MICAL2: variants seen among roughly 807,000 people sequenced by gnomAD.
MICAL2 encodes the protein microtubule associated monooxygenase, calponin and LIM domain containing 2.
MICAL2 carries 77 observed loss-of-function variants against 127.3 expected under a neutral mutation model. The observed-to-expected ratio is 0.60, with a 90% confidence interval of 0.50 to 0.73. MICAL2 has a LOEUF of 0.73. MICAL2 is among the 30% of genes least tolerant of loss of function. The pLI, the probability that MICAL2 is intolerant of heterozygous loss-of-function variation, is 0.00. For synonymous variants in MICAL2, 570 were observed against 551.1 expected, an observed-to-expected ratio of 1.03 and a Z score of -0.48; for missense variants, 1,351 against 1,434.4, an observed-to-expected ratio of 0.94 and a Z score of 0.94.
intron 2 of MICAL2, among the ~76,000 whole-genome samples, chr11:12,147,629 G>A (rs1853081293): frequency 6.6e-6 from 1 of 152,236 alleles, no homozygotes; most frequent in South Asian, 2.1e-4. Context: ...TAAAGGAAGA[G>A]CCAAATGGCG....
At chr11:12,114,108 A>G (rs1322118582) in intron 1 of MICAL2, among the ~76,000 whole-genome samples, 1 of 152,202 alleles carries the variant, frequency 6.6e-6, no homozygotes, top group Non-Finnish European at 1.5e-5. Flanking sequence ...ATGCATAATC[A>G]GCCCCATATA....
chr11:12,150,712 G>T (rs1333901055), intron 2 of MICAL2, among the ~76,000 whole-genome samples: 2 of 152,164 alleles, frequency 1.3e-5, no homozygotes, highest in African/African-American at 4.8e-5. Context: ...TCAGCAAGAC[G>T]CAGTGCCATT....
chr11:12,147,630 C>T (rs1451529206), intron 2 of MICAL2, among the ~76,000 whole-genome samples: 2 of 152,174 alleles, frequency 1.3e-5, no homozygotes, highest in Non-Finnish European at 2.9e-5. Flanking sequence ...AAAGGAAGAG[C>T]CAAATGGCGT....
chr11:12,113,387 C>A (rs1302870990), intron 1 of MICAL2, among the ~76,000 whole-genome samples: 9 of 152,060 alleles, frequency 5.9e-5, no homozygotes, highest in African/African-American at 2.2e-4. Flanking sequence ...TCTTTAGTAA[C>A]AACAACAACA....
At chr11:12,188,041 C>CT (rs988958010) in intron 3 of MICAL2, among the ~76,000 whole-genome samples, 3 of 152,138 alleles carry the variant, frequency 2.0e-5, no homozygotes, top group African/African-American at 7.2e-5. Context: ...CAATTCCCTC[C>CT]TTTTTTCTCC....
chr11:12,292,288 C>T (rs1446406769), downstream of MICAL2: 1 of 1,614,138 alleles, frequency 6.2e-7, no homozygotes, highest in Non-Finnish European at 8.5e-7. Context: ...ATGGTTCCTC[C>T]CCGCCTCAGG....
At chr11:12,330,849 CAGAGAGAGGGGTAG>C (rs1864412862) in intron 32 of MICAL2, among the ~76,000 whole-genome samples, 1 of 68,146 alleles carries the variant, frequency 1.5e-5, no homozygotes, top group Non-Finnish European at 3.3e-5. Flanking sequence ...GAGAGAGAGA[CAGAGAGAGGGGTAG>C]AGAGAGAGAG....
intron 1 of MICAL2, among the ~76,000 whole-genome samples, chr11:12,114,204 A>T (rs528362438): frequency 3.2e-4 from 49 of 152,278 alleles, no homozygotes; most frequent in African/African-American, 1.1e-3. Flanking sequence ...TGAAAGGAAT[A>T]TTTATTCCTG....
At chr11:12,219,836 C>T (rs554079262) in intron 8 of MICAL2, among the ~76,000 whole-genome samples, 1 of 152,320 alleles carries the variant, frequency 6.6e-6, no homozygotes, top group East Asian at 1.9e-4. Flanking sequence ...ACTCTCAACG[C>T]GCCCTGTTGA....
intron 29 of MICAL2, among the ~76,000 whole-genome samples, chr11:12,311,594 G>A (rs529602266): frequency 9.9e-5 from 15 of 152,234 alleles, no homozygotes; most frequent in East Asian, 7.7e-4. Flanking sequence ...TAGAGACAGC[G>A]TTTCACCGTG....
intron 1 of MICAL2, among the ~76,000 whole-genome samples, chr11:12,278,972 G>A (rs1206359946): frequency 6.6e-6 from 1 of 152,180 alleles, no homozygotes; most frequent in Non-Finnish European, 1.5e-5. Context: ...TGGAGATGGT[G>A]ATTTTAGAGG....
chr11:12,255,512 C>T, intron 22 of MICAL2, 131 bp from the exon 23 acceptor site: 1 of 735,370 alleles, frequency 1.4e-6, no homozygotes, highest in Non-Finnish European at 2.3e-6. Context: ...TTTTGCTTCT[C>T]CTGGGTCGTG....
chr11:12,175,872 G>A (rs1333762613), intron 3 of MICAL2, among the ~76,000 whole-genome samples: 3 of 152,094 alleles, frequency 2.0e-5, no homozygotes, highest in Admixed American at 1.3e-4. Context: ...AAGGAGGCAG[G>A]CTGGGGGTGG....
chr11:12,260,658 C>A, intron 26 of MICAL2: 1 of 986,234 alleles, frequency 1.0e-6, no homozygotes, highest in Non-Finnish European at 1.2e-6. Flanking sequence ...CACTTGTCAG[C>A]AGCAGGATAC....
chr11:12,330,898 AGAGTGTGTGT>A (rs1430960349), intron 32 of MICAL2, among the ~76,000 whole-genome samples: 6 of 121,136 alleles, frequency 5.0e-5, no homozygotes, highest in South Asian at 2.8e-4. Flanking sequence ...AGAGAGAGAG[AGAGTGTGTGT>A]GTGTGTGTGT....
chr11:12,260,039 A>G, intron 26 of MICAL2, 142 bp downstream of exon 26: 3 of 1,542,910 alleles, frequency 1.9e-6, no homozygotes, highest in Non-Finnish European at 2.6e-6. Context: ...TACATGTACG[A>G]GCTCCTGAGC....
chr11:12,112,552 TG>T lies in MICAL2; in HGVS notation c.-149+1833del, dbSNP rs373770005. Among the ~76,000 whole-genome samples the T allele has an allele frequency of 2.6e-4, 25 of 96,688 alleles. 1 individual carries two copies. In the South Asian group the frequency reaches 3.1e-3, roughly 12 times the overall value. 63.4% of individuals were successfully genotyped at this position (96,688 alleles called of 152,430 possible). The stretch of plus-strand genomic sequence containing the variant: ...TCTAGTTTCGTGGGGCTTTTGGGGG[TG>T]GGGGGGCAGGTGTTGGGGTGTAGTG... On this transcript the variant is annotated intron_variant, in intron 1 of 27. Coordinates refer to ENST00000683283, the MANE Select transcript of MICAL2 (RefSeq NM_001282663.2).
At chr11:12,243,070 G>A (rs867874926) in intron 20 of MICAL2, 44 of 242,396 alleles carry the variant, frequency 1.8e-4, no homozygotes, top group Middle Eastern at 1.3e-3. Context: ...TATTTTCCAA[G>A]CAGGCTCTGA....
intron 3 of MICAL2, among the ~76,000 whole-genome samples, chr11:12,202,467 T>G (rs1033687569): frequency 3.3e-5 from 5 of 152,200 alleles, no homozygotes. Flanking sequence ...AGATTTGTTG[T>G]GAGGATTAAG....
Sources: gnomAD v4.1 joint callset for allele counts (sites outside exome capture counted in the v4.1 genomes callset) on GRCh38, gnomAD v4.1.1 for gene constraint, MANE v1.5 for transcripts, NCBI Gene and HGNC (gene_info 2026-07-23, HGNC 2026-07-21) for gene names.